Variants in TMEM74 observed in about 807,000 individuals in gnomAD.
The protein encoded by TMEM74 is transmembrane protein 74.
Under a neutral mutation model 18.1 loss-of-function variants are expected in TMEM74, and 13 were observed. The observed-to-expected ratio is 0.72, with a 90% CI of 0.47 to 1.14. TMEM74 has a LOEUF of 1.14. TMEM74 is among the 50% of genes most tolerant of loss of function. The pLI, the probability that TMEM74 is intolerant of heterozygous loss-of-function variation, is 0.00. For missense variants in TMEM74, 372 were observed against 375.9 expected (o/e 0.99, Z 0.09); for synonymous variants, 159 against 146.6 (o/e 1.08, Z -0.61).
At chr8:108,675,590 A>G (rs1417497094) in intron 1 of TMEM74, among the ~76,000 whole-genome samples, 2 of 152,238 alleles carry the variant, frequency 1.3e-5, no homozygotes, top group Non-Finnish European at 2.9e-5. Flanking sequence ...TTTTTAAAGT[A>G]ATCTGGTCAC....
chr8:108,745,559 G>T (rs995438749), intron 1 of TMEM74, among the ~76,000 whole-genome samples: 1 of 151,978 alleles, frequency 6.6e-6, no homozygotes, highest in Non-Finnish European at 1.5e-5. Flanking sequence ...TGCTGACTCT[G>T]GTGTATATTA....
At chr8:108,721,480 C>T (rs1033952011) in intron 1 of TMEM74, among the ~76,000 whole-genome samples, 1 of 152,234 alleles carries the variant, frequency 6.6e-6, no homozygotes, top group South Asian at 2.1e-4. Context: ...GCTGTTCCAT[C>T]GATGTGGAAT....
At chr8:108,650,321 T>A (rs1497625) in intron 2 of TMEM74, among the ~76,000 whole-genome samples, 28,496 of 152,150 alleles carry the variant, frequency 0.19, 2,730 homozygotes, top group East Asian at 0.27. Flanking sequence ...TCTTTCTCCC[T>A]CCAACATTGT....
chr8:108,765,960 A>C (rs1366373495), intron 1 of TMEM74, among the ~76,000 whole-genome samples: 4 of 152,164 alleles, frequency 2.6e-5, no homozygotes, highest in Non-Finnish European at 5.9e-5. Context: ...TGTTTTGTTC[A>C]TATCAGAGCT....
At chr8:108,742,179 A>G (rs546917480) in intron 1 of TMEM74, among the ~76,000 whole-genome samples, 3 of 152,262 alleles carry the variant, frequency 2.0e-5, no homozygotes, top group South Asian at 4.1e-4. Context: ...CAGAAAAAAA[A>G]TAACTATTGG....
intron 1 of TMEM74, among the ~76,000 whole-genome samples, chr8:108,739,544 G>A (rs1292242668): frequency 6.6e-6 from 1 of 152,120 alleles, no homozygotes; most frequent in East Asian, 1.9e-4. Context: ...ATCATTTATT[G>A]CAGTGTAATA....
chr8:108,784,223 T>A lies in TMEM74; in HGVS notation c.876A>T (p.Glu292Asp). The change falls in exon 2 of 2, where the codon GAA becomes GAT. Residue 292 changes from glutamate (E) to aspartate (D), a missense_variant. Transcript: ENST00000297459. ...MKTSTNENTL[E>D]LSLVEEDALA... ...GCGCATCTTCCTCTACCAAGGACAG[T>A]TCCAGAGTGTTTTCATTCGTGCTGG... 1 of 1,614,082 alleles carries A rather than the reference T, an allele frequency of 6.2e-7. No homozygotes were observed. Among genetic ancestry groups the A allele is most frequent in the Non-Finnish European group, 8.5e-7 (1 of 1,179,974 alleles).
chr8:108,617,830 A>G (rs1035709840), intron 2 of TMEM74, among the ~76,000 whole-genome samples: 2 of 152,078 alleles, frequency 1.3e-5, no homozygotes, highest in Admixed American at 6.6e-5. Context: ...GACTCCCCTA[A>G]TTTCAAGAAA....
chr8:108,665,014 C>CTT lies in TMEM74; in HGVS notation n.120-9579_120-9578dup, dbSNP rs11419686. Among the ~76,000 whole-genome samples, 19 of 148,956 alleles carry CTT rather than the reference C, an allele frequency of 1.3e-4. No individual in the cohort carries two copies. The East Asian group carries it at 2.6e-3, about 20-fold the overall frequency. ...GTACCTGGTTTGATCCAACTTAAAG[C>CTT]TTTTTTTTTTGATAAACTATACCGA... On this transcript the variant is annotated intron_variant and non_coding_transcript_variant, in intron 1 of 3. Transcript: ENST00000518838.
In TMEM74 at chr8:108,679,620, G is replaced by T. The variant is rs534057141; in HGVS notation, n.120-24183C>A. 3.2e-4 allele frequency among the ~76,000 whole-genome samples: 49 copies of T among 152,084 alleles called. 1 individual carries two copies. In the South Asian group the frequency reaches 5.2e-3, roughly 16 times the overall value. On this transcript the variant is annotated intron_variant and non_coding_transcript_variant, in intron 1 of 3. Coordinates refer to the TMEM74 transcript ENST00000518838. ...GTTTGTTTTTTCTTGTAAATTTGTT[G>T]GAGTTCATTGTAGATTCTGGATATT...
chr8:108,711,284 C>G (rs565294895), intron 1 of TMEM74, among the ~76,000 whole-genome samples: 30 of 152,280 alleles, frequency 2.0e-4, no homozygotes, highest in African/African-American at 5.3e-4. Flanking sequence ...CTTTCCAAAG[C>G]CTCCCATGCA....
chr8:108,636,678 A>G (rs1380338407), intron 2 of TMEM74, among the ~76,000 whole-genome samples: 1 of 151,982 alleles, frequency 6.6e-6, no homozygotes, highest in African/African-American at 2.4e-5. Flanking sequence ...TTCCCCATCA[A>G]GTTTCTGGAC....
chr8:108,745,559 G>A (rs995438749), intron 1 of TMEM74, among the ~76,000 whole-genome samples: 2 of 151,978 alleles, frequency 1.3e-5, no homozygotes, highest in Non-Finnish European at 2.9e-5. Flanking sequence ...TGCTGACTCT[G>A]GTGTATATTA....
intron 1 of TMEM74, among the ~76,000 whole-genome samples, chr8:108,670,034 TGAAAAAAAAAA>T (rs1324225523): frequency 3.5e-5 from 4 of 113,942 alleles, no homozygotes; most frequent in Non-Finnish European, 6.9e-5. Context: ...TAAGATTCTG[TGAAAAAAAAAA>T]AAAAAAAAAA....
intron 1 of TMEM74, among the ~76,000 whole-genome samples, chr8:108,669,028 T>C (rs1812976565): frequency 6.6e-6 from 1 of 152,074 alleles, no homozygotes; most frequent in Non-Finnish European, 1.5e-5. Flanking sequence ...AAGATTTTTA[T>C]GACCAGGGAA....
rs975027312 is a variant in TMEM74 at position 108,625,446 on chromosome 8, G to A, written n.265-16620C>T. On this transcript the variant is annotated intron_variant and non_coding_transcript_variant, in intron 2 of 3. Coordinates refer to the TMEM74 transcript ENST00000518838. ...CCAGTATTCCCTTGAAAGTGTTTGC[G>A]TCTATTGCTTTCCAGTTCACAAGTA... 7.9e-5 allele frequency among the ~76,000 whole-genome samples: 12 copies of A among 152,040 alleles called. No individual in the cohort carries two copies. In the South Asian group the frequency reaches 1.2e-3, roughly 16 times the overall value.
At chr8:108,773,201 G>A (rs1203725625) in intron 1 of TMEM74, among the ~76,000 whole-genome samples, 1 of 151,978 alleles carries the variant, frequency 6.6e-6, no homozygotes, top group African/African-American at 2.4e-5. Flanking sequence ...ATTATTCACT[G>A]GAGCACACAC....
intron 1 of TMEM74, among the ~76,000 whole-genome samples, chr8:108,739,345 T>G: frequency 6.6e-6 from 1 of 152,186 alleles, no homozygotes; most frequent in East Asian, 1.9e-4. Flanking sequence ...CTGGAAAATT[T>G]GTGATAACGC....
At chr8:108,759,945 G>A (rs1177603673) in intron 1 of TMEM74, among the ~76,000 whole-genome samples, 1 of 152,066 alleles carries the variant, frequency 6.6e-6, no homozygotes, top group African/African-American at 2.4e-5. Context: ...CTATGAGTCA[G>A]GTGGATTACT....
Sources: allele counts gnomAD v4.1 joint callset (sites outside exome capture counted in the v4.1 genomes callset), GRCh38; gene constraint gnomAD v4.1.1; transcripts MANE v1.5; gene names NCBI Gene and HGNC (gene_info 2026-07-23, HGNC 2026-07-21).